SPTLC2: variants seen among roughly 807,000 people sequenced by gnomAD.
SPTLC2 encodes serine palmitoyltransferase long chain base subunit 2.
Under a neutral mutation model 62.0 loss-of-function variants are expected in SPTLC2, and 21 were observed. The ratio of observed to expected loss-of-function variants is 0.34; its 90% CI spans 0.24 to 0.49. The LOEUF (loss-of-function observed/expected upper bound fraction) is 0.49, where lower values mean the gene tolerates loss of function less well. Among genes scored for constraint, SPTLC2 ranks in the 20% least tolerant of loss-of-function variants. SPTLC2 has a pLI of 0.99. For missense variants in SPTLC2, 511 were observed against 713.0 expected (o/e 0.72, Z 3.23); for synonymous variants, 261 against 261.8 (o/e 1.00, Z 0.03).
intron 9 of SPTLC2, among the ~76,000 whole-genome samples, chr14:77,539,568 CA>C (rs1566773690): frequency 7.8e-6 from 1 of 128,982 alleles, no homozygotes; most frequent in South Asian, 2.6e-4. Flanking sequence ...CGGTTCATTG[CA>C]ACCTCTGGCT....
At chr14:77,533,260 A>G (rs2079450351) in intron 9 of SPTLC2, among the ~76,000 whole-genome samples, 1 of 148,972 alleles carries the variant, frequency 6.7e-6, no homozygotes, top group African/African-American at 2.5e-5. Context: ...AGACTGTGCC[A>G]TTGCACTCTA....
chr14:77,608,255 T>A (rs1385298084), intron 1 of SPTLC2, among the ~76,000 whole-genome samples: 1 of 152,218 alleles, frequency 6.6e-6, no homozygotes, highest in Non-Finnish European at 1.5e-5. Flanking sequence ...GCAAACCTGA[T>A]ACACTATAAA....
intron 9 of SPTLC2, among the ~76,000 whole-genome samples, chr14:77,523,782 C>A (rs1483705550): frequency 6.6e-6 from 1 of 152,134 alleles, no homozygotes; most frequent in Non-Finnish European, 1.5e-5. Context: ...TTGGTCTGAA[C>A]CCACCCTAAC....
intron 10 of SPTLC2, among the ~76,000 whole-genome samples, chr14:77,520,151 G>GAC (rs879577284): frequency 1.5e-3 from 233 of 151,584 alleles, no homozygotes; most frequent in Middle Eastern, 3.4e-3. Context: ...TCTTTAAAGA[G>GAC]AGCTCTAGAC....
chr14:77,602,632 C>T (rs976239061), intron 1 of SPTLC2, among the ~76,000 whole-genome samples: 1 of 151,886 alleles, frequency 6.6e-6, no homozygotes, highest in Non-Finnish European at 1.5e-5. Flanking sequence ...TTACTGCAGC[C>T]TCTACCTTTC....
chr14:77,566,526 C>T (rs2079645792), intron 5 of SPTLC2, among the ~76,000 whole-genome samples: 1 of 152,166 alleles, frequency 6.6e-6, no homozygotes, highest in African/African-American at 2.4e-5. Context: ...AGTGCATCGG[C>T]GCAATCTCGG....
At chr14:77,536,947 A>G (rs1294202468) in intron 9 of SPTLC2, among the ~76,000 whole-genome samples, 2 of 148,240 alleles carry the variant, frequency 1.3e-5, no homozygotes, top group Non-Finnish European at 3.0e-5. Flanking sequence ...TTTTGAGATG[A>G]AGTCTCGCTC....
chr14:77,614,927 C>A (rs1011561961), intron 1 of SPTLC2, among the ~76,000 whole-genome samples: 1 of 150,670 alleles, frequency 6.6e-6, no homozygotes, highest in African/African-American at 2.4e-5. Context: ...GCCGAGATCG[C>A]GCCATTGCAC....
chr14:77,603,599 A>G (rs1423057332), intron 1 of SPTLC2, among the ~76,000 whole-genome samples: 2 of 152,234 alleles, frequency 1.3e-5, no homozygotes, highest in African/African-American at 4.8e-5. Flanking sequence ...TCGTGTAGGC[A>G]GCATAAATTC....
chr14:77,609,225 A>C (rs992624962), intron 1 of SPTLC2, among the ~76,000 whole-genome samples: 2 of 152,178 alleles, frequency 1.3e-5, no homozygotes, highest in African/African-American at 2.4e-5. Flanking sequence ...TTTCCTCCTC[A>C]GAAGAATTGG....
chr14:77,594,891 C>T (rs755591884), intron 2 of SPTLC2, among the ~76,000 whole-genome samples: 4 of 152,166 alleles, frequency 2.6e-5, no homozygotes, highest in African/African-American at 7.2e-5. Context: ...CAGCTACCAT[C>T]GGTCATAACT....
At chr14:77,607,495 C>A (rs984334027) in intron 1 of SPTLC2, among the ~76,000 whole-genome samples, 1 of 152,064 alleles carries the variant, frequency 6.6e-6, no homozygotes, top group African/African-American at 2.4e-5. Context: ...CTGAGATTTT[C>A]TTTTTTTATT....
intron 2 of SPTLC2, among the ~76,000 whole-genome samples, chr14:77,581,147 A>G (rs2079748004): frequency 6.6e-6 from 1 of 152,214 alleles, no homozygotes; most frequent in Non-Finnish European, 1.5e-5. Flanking sequence ...GTTTATAACC[A>G]TTAGATCTGG....
chr14:77,576,056 G>A (rs11846516), intron 4 of SPTLC2, among the ~76,000 whole-genome samples: 3,965 of 152,290 alleles, frequency 0.026, 175 homozygotes, highest in African/African-American at 0.091. Flanking sequence ...CCTTGGGTAA[G>A]AAGCACCCAA....
intron 2 of SPTLC2, among the ~76,000 whole-genome samples, chr14:77,586,798 T>C (rs2079784045): frequency 6.6e-6 from 1 of 152,186 alleles, no homozygotes; most frequent in Admixed American, 6.5e-5. Context: ...ATTAAACATA[T>C]AAAAAGCTGT....
At chr14:77,571,944 C>A (rs1444624565) in intron 4 of SPTLC2, among the ~76,000 whole-genome samples, 1 of 143,984 alleles carries the variant, frequency 6.9e-6, no homozygotes, top group Non-Finnish European at 1.5e-5. Context: ...GTGCGGACCA[C>A]CACGCCTGAC....
chr14:77,571,544 GA>G (rs2079683140), intron 4 of SPTLC2, among the ~76,000 whole-genome samples: 1 of 150,574 alleles, frequency 6.6e-6, no homozygotes, highest in Non-Finnish European at 1.5e-5. Context: ...CCCTCACTGT[GA>G]ACTGACTGGT....
At chr14:77,530,602 C>T (rs1471590780) in intron 9 of SPTLC2, among the ~76,000 whole-genome samples, 1 of 152,164 alleles carries the variant, frequency 6.6e-6, no homozygotes, top group East Asian at 1.9e-4. Context: ...TCTTTCAATA[C>T]ACCATATAAG....
At chr14:77,545,052 T>C (rs1284651985) in intron 9 of SPTLC2, among the ~76,000 whole-genome samples, 1 of 152,094 alleles carries the variant, frequency 6.6e-6, no homozygotes, top group Non-Finnish European at 1.5e-5. Flanking sequence ...CTTATTACCA[T>C]GGCCCCCTTG....
Sources: gnomAD v4.1 joint callset for allele counts (sites outside exome capture counted in the v4.1 genomes callset) on GRCh38, gnomAD v4.1.1 for gene constraint, MANE v1.5 for transcripts, NCBI Gene and HGNC (gene_info 2026-07-23, HGNC 2026-07-21) for gene names.